Variants in DGKB observed in about 807,000 individuals in gnomAD.
DGKB encodes diacylglycerol kinase beta.
Under a neutral mutation model 114.3 loss-of-function variants are expected in DGKB, and 67 were observed. The observed-to-expected ratio is 0.59, with a 90% confidence interval of 0.48 to 0.72. The LOEUF is 0.72. Among genes scored for constraint, DGKB ranks in the 30% least tolerant of loss-of-function variants. DGKB has a pLI of 0.00. For missense variants in DGKB, 907 were observed against 975.2 expected (o/e 0.93, Z 0.93); for synonymous variants, 398 against 323.1 (o/e 1.23, Z -2.49).
chr7:14,271,611 A>G (rs1271260486), intron 23 of DGKB, among the ~76,000 whole-genome samples: 1 of 152,210 alleles, frequency 6.6e-6, no homozygotes, highest in Non-Finnish European at 1.5e-5. Flanking sequence ...GGGGCAAGGG[A>G]AGCATCATTT....
chr7:14,476,857 C>T (rs547445864), intron 21 of DGKB, among the ~76,000 whole-genome samples: 26 of 150,630 alleles, frequency 1.7e-4, no homozygotes, highest in African/African-American at 4.9e-4. Flanking sequence ...AGGGTTCAAA[C>T]GATTCTCCTG....
intron 1 of DGKB, among the ~76,000 whole-genome samples, chr7:14,963,155 A>C (rs534588859): frequency 3.0e-4 from 45 of 152,274 alleles, no homozygotes; most frequent in African/African-American, 1.0e-3. Flanking sequence ...TTAAAAATAC[A>C]TGAGCAGAAA....
At chr7:14,251,011 A>G (rs1795154298) in intron 23 of DGKB, among the ~76,000 whole-genome samples, 1 of 152,122 alleles carries the variant, frequency 6.6e-6, no homozygotes, top group Non-Finnish European at 1.5e-5. Flanking sequence ...CTTTCAATCT[A>G]TGTGTGTCCT....
intron 5 of DGKB, 102 bp from the exon 6 acceptor site, chr7:14,718,787 A>G (rs1828663205): frequency 2.2e-6 from 2 of 900,438 alleles, no homozygotes; most frequent in African/African-American, 1.7e-5. Flanking sequence ...ATAGAAATTT[A>G]TATTTTTTAG....
intron 23 of DGKB, among the ~76,000 whole-genome samples, chr7:14,188,283 A>C (rs1783748876): frequency 1.3e-5 from 2 of 152,150 alleles, no homozygotes; most frequent in Admixed American, 6.5e-5. Flanking sequence ...GGAGAAAAGC[A>C]CAGAAAATTT....
chr7:14,847,429 A>G lies in DGKB; in HGVS notation c.-187-5979T>C, dbSNP rs141202804. ...GATGCAGAGCCAAAATAAAAACTACAGAATTGCTGAAGAAGTAGGATGAAA... is the reference window on the plus strand; with the variant it reads ...GATGCAGAGCCAAAATAAAAACTACGGAATTGCTGAAGAAGTAGGATGAAA... On this transcript the variant is annotated intron_variant, in intron 1 of 25. Coordinates refer to ENST00000402815, the MANE Select transcript of DGKB (RefSeq NM_001350709.2). Among the ~76,000 whole-genome samples the G allele has an allele frequency of 6.9e-3, 1,051 of 152,364 alleles. 5 individuals are homozygous for G. The highest frequency in any genetic ancestry group is 0.014 in the South Asian group (70 of 4,834).
chr7:14,170,143 A>AG (rs1199778738), intron 25 of DGKB, among the ~76,000 whole-genome samples: 3 of 127,020 alleles, frequency 2.4e-5, no homozygotes, highest in Non-Finnish European at 3.3e-5. Context: ...TCAAAAAAAA[A>AG]AAAAAGAAAG....
chr7:14,729,369 A>G lies in DGKB; in HGVS notation c.322+6672T>C, dbSNP rs976642263. On this transcript the variant is annotated intron_variant, in intron 5 of 25. Transcript: ENST00000402815. ...GATCTCCTGACCTTGTGATTCGCCCACCTTGGCCTCCCAAAGTGCTGGGAT... is the reference window on the plus strand; with the variant it reads ...GATCTCCTGACCTTGTGATTCGCCCGCCTTGGCCTCCCAAAGTGCTGGGAT... 2.5e-3 allele frequency among the ~76,000 whole-genome samples: 377 copies of G among 151,962 alleles called. 2 individuals are homozygous for G. Among genetic ancestry groups the G allele is most frequent in the South Asian group, 0.013 (62 of 4,816 alleles).
intron 1 of DGKB, among the ~76,000 whole-genome samples, chr7:14,853,847 G>A (rs573253174): frequency 4.9e-5 from 6 of 123,690 alleles, no homozygotes; most frequent in South Asian, 2.7e-4. Context: ...CAGCCTGGGC[G>A]ACAGACCGAG....
intron 2 of DGKB, among the ~76,000 whole-genome samples, chr7:14,774,937 C>T (rs1018145618): frequency 7.2e-5 from 11 of 152,026 alleles, no homozygotes; most frequent in Non-Finnish European, 1.5e-4. Context: ...TGTTTACAGG[C>T]AAGATCATTG....
chr7:14,497,591 A>C (rs1785492064), intron 20 of DGKB, among the ~76,000 whole-genome samples: 2 of 151,828 alleles, frequency 1.3e-5, no homozygotes, highest in Non-Finnish European at 2.9e-5. Context: ...AATGACCATA[A>C]ATAGCCTCTG....
intron 16 of DGKB, among the ~76,000 whole-genome samples, chr7:14,610,175 G>A (rs1438168729): frequency 1.3e-5 from 2 of 152,088 alleles, no homozygotes; most frequent in Non-Finnish European, 2.9e-5. Flanking sequence ...ATATAGCATG[G>A]AATACTACAC....
chr7:14,800,239 A>G (rs1268947916), intron 2 of DGKB, among the ~76,000 whole-genome samples: 1 of 152,166 alleles, frequency 6.6e-6, no homozygotes, highest in African/African-American at 2.4e-5. Flanking sequence ...AAAAACAGCT[A>G]TGGTCCTGCT....
chr7:14,505,311 T>G (rs1786854240), intron 20 of DGKB, among the ~76,000 whole-genome samples: 1 of 151,884 alleles, frequency 6.6e-6, no homozygotes, highest in Non-Finnish European at 1.5e-5. Context: ...AAAAATTAGC[T>G]GGGCGTGTTG....
intron 21 of DGKB, among the ~76,000 whole-genome samples, chr7:14,439,366 C>T (rs12531006): frequency 0.1 from 15,218 of 151,912 alleles, 857 homozygotes; most frequent in East Asian, 0.22. Flanking sequence ...GCTTGAATAA[C>T]GATGAATAGA....
intron 20 of DGKB, among the ~76,000 whole-genome samples, chr7:14,533,179 A>C (rs1329795098): frequency 6.6e-6 from 1 of 151,862 alleles, no homozygotes; most frequent in African/African-American, 2.4e-5. Flanking sequence ...ACCATAAAAT[A>C]TAGAAATCCT....
intron 21 of DGKB, among the ~76,000 whole-genome samples, chr7:14,386,529 A>T (rs768275618): frequency 2.6e-5 from 4 of 152,222 alleles, no homozygotes; most frequent in Non-Finnish European, 5.9e-5. Flanking sequence ...AATTTTTGCC[A>T]CAGGAATGTG....
At chr7:14,159,155 T>C (rs1013682079) in intron 25 of DGKB, among the ~76,000 whole-genome samples, 3 of 152,170 alleles carry the variant, frequency 2.0e-5, no homozygotes, top group African/African-American at 7.2e-5. Flanking sequence ...CAGGTCCTGC[T>C]GTTCTGCTCC....
intron 2 of DGKB, among the ~76,000 whole-genome samples, chr7:14,839,413 T>C (rs1042524329): frequency 9.1e-4 from 136 of 149,854 alleles, no homozygotes; most frequent in African/African-American, 3.1e-3. Flanking sequence ...TCTTCTTTTT[T>C]TTTTTTTTTT....
Sources: gnomAD v4.1 joint callset for allele counts (sites outside exome capture counted in the v4.1 genomes callset) on GRCh38, gnomAD v4.1.1 for gene constraint, MANE v1.5 for transcripts, NCBI Gene and HGNC (gene_info 2026-07-23, HGNC 2026-07-21) for gene names.